Variants in FAM133B observed in about 807,000 individuals in gnomAD.
FAM133B encodes the protein family with sequence similarity 133 member B, also known as protein FAM133B.
FAM133B carries 25 observed loss-of-function variants against 46.4 expected under a neutral mutation model. That is an observed-to-expected ratio of 0.54 (90% confidence interval 0.39 to 0.75). The LOEUF is 0.75. Ranked by LOEUF, FAM133B falls within the 30% of genes least tolerant of loss-of-function variation. The pLI is 0.00. For missense variants in FAM133B, 205 were observed against 277.6 expected (o/e 0.74, Z 1.86); for synonymous variants, 75 against 86.0 (o/e 0.87, Z 0.71).
At chr7:92,589,250 T>G (rs1442450545) in intron 1 of FAM133B, among the ~76,000 whole-genome samples, 1 of 152,218 alleles carries the variant, frequency 6.6e-6, no homozygotes, top group East Asian at 1.9e-4. Flanking sequence ...TTCATTATGT[T>G]TACTACTCAT....
At chr7:92,573,626 T>A (rs1025394951) in intron 8 of FAM133B, among the ~76,000 whole-genome samples, 1 of 152,084 alleles carries the variant, frequency 6.6e-6, no homozygotes, top group African/African-American at 2.4e-5. Context: ...TAATATTTCA[T>A]GTTTCTATGT....
chr7:92,578,412 C>A lies in FAM133B; in HGVS notation c.202-19G>T. The A allele has an allele frequency of 5.0e-6, 8 of 1,605,782 alleles. No homozygotes were observed. Among genetic ancestry groups the A allele is most frequent in the Non-Finnish European group, 6.8e-6 (8 of 1,174,826 alleles). ...TCCAGTTCTGCAAAAAGGTTATGAA[C>A]ACCATCAGAGACTATCTAACCTTTC... On this transcript the variant is annotated intron_variant, in intron 3 of 10. Transcript: ENST00000445716.
At chr7:92,567,840 TG>T (rs1418584683) in intron 9 of FAM133B, among the ~76,000 whole-genome samples, 1 of 151,280 alleles carries the variant, frequency 6.6e-6, no homozygotes, top group Non-Finnish European at 1.5e-5. Flanking sequence ...CTCGGCTCAC[TG>T]CAGCCTCTGC....
At chr7:92,577,031 A>G in intron 7 of FAM133B, 72 bp downstream of exon 7, 1 of 880,794 alleles carries the variant, frequency 1.1e-6, no homozygotes. Flanking sequence ...TTTTAAATTG[A>G]GAGCAACTTT....
chr7:92,582,298 C>T (rs1336515941), intron 1 of FAM133B, among the ~76,000 whole-genome samples: 1 of 147,332 alleles, frequency 6.8e-6, no homozygotes, highest in South Asian at 2.1e-4. Context: ...CATAACATAA[C>T]ATAAATAACA....
intron 1 of FAM133B, among the ~76,000 whole-genome samples, chr7:92,583,286 A>G (rs1794942450): frequency 6.6e-6 from 1 of 152,206 alleles, no homozygotes; most frequent in Non-Finnish European, 1.5e-5. Context: ...AAGAAAGTAG[A>G]ATGGAGGTTA....
rs764193480 is a variant in FAM133B at position 92,578,155 on chromosome 7, C to A, written c.304G>T (p.Gly102Cys). The part of the protein sequence containing the change: ...QRKKKEKKKS[G>C]RYSSSSSSSS... ...AATGGAAAATTTTTGCTCACCCTAC[C>A]AGATTTCTTCTTTTCTTTTTTCTTT... Residue 102 changes from glycine (G) to cysteine (C), a missense_variant, in exon 5 of 11, where the codon GGT becomes TGT. Gly to Cys is a radical substitution (Grantham distance 159, BLOSUM62 -3). Transcript: ENST00000445716. 2.5e-6 allele frequency: 4 copies of A among 1,609,354 alleles called. No individual in the cohort carries two copies. Among genetic ancestry groups the A allele is most frequent in the Non-Finnish European group, 2.5e-6 (3 of 1,178,318 alleles).
At chr7:92,577,015 T>C (rs984013984) in intron 7 of FAM133B, 88 bp downstream of exon 7, 1 of 710,826 alleles carries the variant, frequency 1.4e-6, no homozygotes, top group Non-Finnish European at 2.1e-6. Flanking sequence ...TATCAGACTA[T>C]CTTATTTTTA....
At chr7:92,581,784 T>C (rs1794880388) in intron 1 of FAM133B, 181 bp from the exon 2 acceptor site, 1 of 535,650 alleles carries the variant, frequency 1.9e-6, no homozygotes, top group Non-Finnish European at 3.3e-6. Context: ...CTTAAAAGTT[T>C]GGGAGAAAAT....
chr7:92,569,978 C>A, intron 8 of FAM133B, 63 bp from the exon 9 acceptor site: 1 of 695,964 alleles, frequency 1.4e-6, no homozygotes, highest in Non-Finnish European at 2.1e-6. Flanking sequence ...TTTTATGTTT[C>A]TAAGTTCTAT....
intron 1 of FAM133B, chr7:92,590,039 C>T (rs746533272): frequency 4.8e-4 from 294 of 607,598 alleles, no homozygotes; most frequent in Middle Eastern, 1.3e-3. Flanking sequence ...GAAAGAGCGA[C>T]GAGGTGAGGG....
chr7:92,562,432 C>T (rs6970992), intron 10 of FAM133B, 64 bp from the exon 11 acceptor site: 1 of 1,495,858 alleles, frequency 6.7e-7, no homozygotes, highest in East Asian at 2.5e-5. Flanking sequence ...AGCATCTTTA[C>T]CATGCTTCTA....
chr7:92,578,588 A>G (rs572157778), intron 3 of FAM133B, among the ~76,000 whole-genome samples, 195 bp from the exon 4 acceptor site: 3 of 152,318 alleles, frequency 2.0e-5, no homozygotes, highest in Admixed American at 2.0e-4. Context: ...AGCTCTTTTC[A>G]AAGAGCATAT....
rs188012495 is a variant in FAM133B, at chr7:92,566,161, A to G, written c.610-100T>C. The stretch of plus-strand genomic sequence containing the variant: ...TCTATCTTGCATCTTCAAAATTTAA[A>G]TGTAAAAAACATTTTGACAATCACA... On this transcript the variant is annotated intron_variant, in intron 9 of 10. Transcript: ENST00000445716. 2.9e-5 allele frequency: 32 copies of G among 1,098,072 alleles called. No individual in the cohort carries two copies. In the African/African-American group the frequency reaches 3.9e-4, roughly 13 times the overall value. The allele number at this position is 1,098,072 out of a possible 1,614,324, so 68.0% of individuals were successfully genotyped here. A position where few individuals can be genotyped will look rare whatever the true frequency, so the allele number is the denominator to read the frequency against.
chr7:92,575,989 G>T (rs1794684407), intron 7 of FAM133B, 168 bp from the exon 8 acceptor site: 1 of 358,340 alleles, frequency 2.8e-6, no homozygotes, highest in East Asian at 4.3e-5. Context: ...GTATACATTT[G>T]CTTGTAAGCA....
At chr7:92,563,805 G>T (rs1182706158) in intron 10 of FAM133B, among the ~76,000 whole-genome samples, 1 of 152,052 alleles carries the variant, frequency 6.6e-6, no homozygotes, top group Admixed American at 6.6e-5. Context: ...CTCTGATTCT[G>T]CTCTTTAACT....
At chr7:92,568,275 G>T (rs1794424320) in intron 9 of FAM133B, among the ~76,000 whole-genome samples, 1 of 151,942 alleles carries the variant, frequency 6.6e-6, no homozygotes, top group South Asian at 2.1e-4. Flanking sequence ...CCACTGTATG[G>T]TTTTTGAAGG....
intron 9 of FAM133B, 192 bp downstream of exon 9, chr7:92,569,631 T>A (rs959678222): frequency 3.0e-6 from 1 of 330,464 alleles, no homozygotes; most frequent in South Asian, 9.6e-5. Flanking sequence ...CAGTTAATTA[T>A]AAAAAATAAT....
At chr7:92,568,538 T>G (rs1794435285) in intron 9 of FAM133B, among the ~76,000 whole-genome samples, 1 of 149,834 alleles carries the variant, frequency 6.7e-6, no homozygotes, top group African/African-American at 2.5e-5. Context: ...TTTTTTTTTT[T>G]TTTTTTTTTA....
Sources: allele counts gnomAD v4.1 joint callset (sites outside exome capture counted in the v4.1 genomes callset), GRCh38; gene constraint gnomAD v4.1.1; transcripts MANE v1.5; gene names NCBI Gene and HGNC (gene_info 2026-07-23, HGNC 2026-07-21).